Variants in RPF2 observed in about 807,000 individuals in gnomAD.
RPF2 encodes the protein ribosome production factor 2 homolog.
Under a neutral mutation model 38.9 loss-of-function variants are expected in RPF2, and 21 were observed. The observed-to-expected ratio is 0.54, with a 90% confidence interval of 0.38 to 0.78. RPF2 has a LOEUF of 0.78. Among genes scored for constraint, RPF2 ranks in the 30% least tolerant of loss-of-function variants. The pLI, the probability that RPF2 is intolerant of heterozygous loss-of-function variation, is 0.00. For synonymous variants in RPF2, 121 were observed against 126.2 expected (o/e 0.96, Z 0.28); for missense variants, 314 against 358.1 (o/e 0.88, Z 0.99).
chr6:111,002,820 G>A (rs549267759), intron 6 of RPF2, among the ~76,000 whole-genome samples: 1 of 151,732 alleles, frequency 6.6e-6, no homozygotes, highest in African/African-American at 2.4e-5. Flanking sequence ...CTAGGCAGGA[G>A]TACAGTGGCA....
intron 8 of RPF2, among the ~76,000 whole-genome samples, chr6:111,021,791 C>T (rs1168839617): frequency 6.6e-6 from 1 of 152,172 alleles, no homozygotes; most frequent in South Asian, 2.1e-4. Flanking sequence ...CCCTTTCCCT[C>T]GCTCTTACTG....
intron 2 of RPF2, among the ~76,000 whole-genome samples, chr6:110,987,999 TA>T (rs1771553012): frequency 6.6e-6 from 1 of 151,918 alleles, no homozygotes; most frequent in African/African-American, 2.4e-5. Flanking sequence ...AAATTAAATT[TA>T]AAAAAATAAT....
chr6:111,013,978 T>G (rs974857822), intron 7 of RPF2, among the ~76,000 whole-genome samples: 11 of 151,928 alleles, frequency 7.2e-5, no homozygotes, highest in Non-Finnish European at 1.6e-4. Flanking sequence ...CCGTACATAA[T>G]ATATGTATAA....
intron 2 of RPF2, among the ~76,000 whole-genome samples, chr6:110,985,829 T>C (rs1462188756): frequency 1.3e-5 from 2 of 150,718 alleles, no homozygotes; most frequent in African/African-American, 4.9e-5. Context: ...TCCCAGTTGC[T>C]CGGGAGGCTG....
chr6:110,982,268 GTCC>G, intron 1 of RPF2, 139 bp downstream of exon 1: 2 of 934,716 alleles, frequency 2.1e-6, no homozygotes, highest in Admixed American at 2.1e-5. Flanking sequence ...ACCAGCCCGG[GTCC>G]TCCTCAGCGC....
At chr6:111,001,430 CG>C (rs1771810276) in intron 6 of RPF2, among the ~76,000 whole-genome samples, 1 of 151,646 alleles carries the variant, frequency 6.6e-6, no homozygotes, top group South Asian at 2.1e-4. Context: ...CAGGCTGGGG[CG>C]CAGTGGCGCG....
At chr6:111,017,998 G>C (rs989549009) in intron 8 of RPF2, among the ~76,000 whole-genome samples, 4 of 152,084 alleles carry the variant, frequency 2.6e-5, no homozygotes, top group Non-Finnish European at 5.9e-5. Flanking sequence ...ATCACTCGCG[G>C]TTAGGAGCTG....
chr6:110,986,171 A>G (rs990238323), intron 2 of RPF2, among the ~76,000 whole-genome samples: 1 of 152,194 alleles, frequency 6.6e-6, no homozygotes, highest in Non-Finnish European at 1.5e-5. Context: ...AGATGAGGCT[A>G]GAAGAGGAGG....
chr6:110,988,763 C>T (rs532806515), intron 2 of RPF2, among the ~76,000 whole-genome samples: 15 of 152,176 alleles, frequency 9.9e-5, no homozygotes, highest in African/African-American at 3.4e-4. Context: ...TGGACTAAGT[C>T]GAGTTTAAAG....
At chr6:111,015,653 T>A in intron 7 of RPF2, 101 bp from the exon 8 acceptor site, 2 of 766,540 alleles carry the variant, frequency 2.6e-6, no homozygotes, top group South Asian at 1.6e-5. Context: ...TGTGCTTTTT[T>A]AGATAAGTAT....
intron 4 of RPF2, among the ~76,000 whole-genome samples, chr6:110,994,414 A>G (rs1288244924): frequency 1.3e-5 from 2 of 152,024 alleles, no homozygotes; most frequent in African/African-American, 2.4e-5. Flanking sequence ...TTGAGATCCC[A>G]TCTCTTAAAG....
chr6:111,007,953 A>C, intron 6 of RPF2, 85 bp from the exon 7 acceptor site: 1 of 1,369,494 alleles, frequency 7.3e-7, no homozygotes, highest in African/African-American at 1.5e-5. Context: ...TCTCAAAAAA[A>C]ATAAATAAAA....
intron 2 of RPF2, 190 bp from the exon 3 acceptor site, chr6:110,988,838 A>G: frequency 1.5e-6 from 1 of 676,362 alleles, no homozygotes; most frequent in Non-Finnish European, 2.4e-6. Flanking sequence ...TAAATAGGAA[A>G]GTCTAGTCCA....
intron 6 of RPF2, among the ~76,000 whole-genome samples, chr6:111,004,811 T>C (rs1315768797): frequency 2.7e-5 from 4 of 150,924 alleles, no homozygotes; most frequent in Non-Finnish European, 5.9e-5. Context: ...TCAAGTGATC[T>C]ACCCACCTCA....
chr6:111,010,616 C>T (rs1285693187), intron 7 of RPF2, among the ~76,000 whole-genome samples: 2 of 152,176 alleles, frequency 1.3e-5, no homozygotes, highest in Non-Finnish European at 2.9e-5. Flanking sequence ...CTACTTTATT[C>T]CATTTGAGCT....
At chr6:111,017,879 T>C (rs1480428632) in intron 8 of RPF2, among the ~76,000 whole-genome samples, 1 of 151,742 alleles carries the variant, frequency 6.6e-6, no homozygotes, top group Non-Finnish European at 1.5e-5. Flanking sequence ...AGGTGGAGGT[T>C]GTAGCTAGCC....
intron 3 of RPF2, among the ~76,000 whole-genome samples, chr6:110,991,524 C>T (rs970819476): frequency 2.6e-5 from 4 of 151,900 alleles, no homozygotes; most frequent in East Asian, 1.9e-4. Flanking sequence ...TTATTTTCCA[C>T]GAGCCTATAA....
chr6:111,019,159 G>C (rs1562376278), intron 8 of RPF2, among the ~76,000 whole-genome samples: 1 of 151,950 alleles, frequency 6.6e-6, no homozygotes, highest in Non-Finnish European at 1.5e-5. Flanking sequence ...AGAGTGGGCG[G>C]ATCACTTGAG....
intron 6 of RPF2, among the ~76,000 whole-genome samples, chr6:111,002,773 C>CTT (rs35740019): frequency 0.12 from 17,497 of 148,350 alleles, 1,571 homozygotes; most frequent in East Asian, 0.49. Flanking sequence ...ATTAGGCAGT[C>CTT]TTTTTTTTTT....
Sources: allele counts gnomAD v4.1 joint callset (sites outside exome capture counted in the v4.1 genomes callset), GRCh38; gene constraint gnomAD v4.1.1; transcripts MANE v1.5; gene names NCBI Gene and HGNC (gene_info 2026-07-23, HGNC 2026-07-21).